The following MTHFSD variants were observed in gnomAD, a reference collection of about 807,000 sequenced individuals.
The protein encoded by MTHFSD is methenyltetrahydrofolate synthase domain-containing protein.
MTHFSD carries 37 observed loss-of-function variants against 31.1 expected under a neutral mutation model. That is an observed-to-expected ratio of 1.19 (90% CI 0.91 to 1.56). The LOEUF is 1.56. Ranked by LOEUF, MTHFSD falls within the 40% of genes most tolerant of loss-of-function variation. MTHFSD has a pLI of 0.00. For synonymous variants in MTHFSD, 221 were observed against 206.9 expected (o/e 1.07, Z -0.59); for missense variants, 664 against 510.1 (o/e 1.30, Z -2.91).
chr16:86,553,644 C>T (rs140129423), intron 2 of MTHFSD: 4,857 of 156,458 alleles, frequency 0.031, 104 homozygotes, highest in Middle Eastern at 0.084. Context: ...CCACCCCCAC[C>T]GGCGGGCTCC....
At chr16:86,554,914 C>G in intron 1 of MTHFSD, 163 bp from the exon 2 acceptor site, 1 of 1,092,714 alleles carries the variant, frequency 9.2e-7, no homozygotes, top group South Asian at 1.6e-5. Context: ...ACGGGCTCCC[C>G]CACGTGCACG....
At chr16:86,546,182 A>G (rs2143726045) in intron 5 of MTHFSD, among the ~76,000 whole-genome samples, 1 of 152,372 alleles carries the variant, frequency 6.6e-6, no homozygotes, top group East Asian at 1.9e-4. Context: ...CATAATAAAA[A>G]CAAAGCTTGG....
At chr16:86,541,031 C>T (rs112843924) in intron 7 of MTHFSD, 26 of 1,181,268 alleles carry the variant, frequency 2.2e-5, no homozygotes, top group Admixed American at 3.4e-5. Context: ...GAATGGGAGA[C>T]GTGGACACGT....
intron 4 of MTHFSD, chr16:86,547,340 C>G: frequency 1.0e-6 from 1 of 985,624 alleles, no homozygotes; most frequent in African/African-American, 1.7e-5. Context: ...TTATGTAAGA[C>G]TCAGGAAAAA....
intron 3 of MTHFSD, 89 bp from the exon 4 acceptor site, chr16:86,548,666 G>C (rs1428717866): frequency 9.9e-7 from 1 of 1,010,024 alleles, no homozygotes; most frequent in Non-Finnish European, 1.4e-6. Context: ...CAGGAGAAGA[G>C]GCAAATTACT....
At position 86,544,766 on chromosome 16, in the gene MTHFSD, C is replaced by T. The variant is rs370712681; in HGVS notation, c.442+1793G>A. Reference sequence around the variant, plus strand: ...AAAGACACGTGCACATGTAGGTTCACTGTAGCACTATTCACAATAACAATG... The same window carrying T: ...AAAGACACGTGCACATGTAGGTTCATTGTAGCACTATTCACAATAACAATG... On this transcript the variant is annotated intron_variant, in intron 5 of 7. Coordinates refer to ENST00000360900, the MANE Select transcript of MTHFSD (RefSeq NM_001159377.2). Among the ~76,000 whole-genome samples, 71 of 152,312 alleles carry T rather than the reference C, an allele frequency of 4.7e-4. 1 individual carries two copies. The South Asian group carries it at 0.014, about 30-fold the overall frequency.
intron 7 of MTHFSD, chr16:86,535,095 T>A (rs11642368): frequency 0.49 from 157,238 of 318,520 alleles, 41,936 homozygotes; most frequent in Non-Finnish European, 0.56. Flanking sequence ...CACAGGGAGC[T>A]CCTTTATTCT....
chr16:86,543,450 T>C (rs375188760), intron 5 of MTHFSD, among the ~76,000 whole-genome samples: 9 of 152,274 alleles, frequency 5.9e-5, no homozygotes, highest in East Asian at 3.9e-4. Flanking sequence ...CACTCCAACA[T>C]GGTCTGTAAG....
At chr16:86,552,174 C>T (rs1463768046) in intron 2 of MTHFSD, 28 bp from the exon 3 acceptor site, 5 of 1,614,148 alleles carry the variant, frequency 3.1e-6, no homozygotes, top group African/African-American at 1.3e-5. Flanking sequence ...CAGAGTTGCA[C>T]TTACTTCAAG....
intron 2 of MTHFSD, among the ~76,000 whole-genome samples, chr16:86,552,801 C>T (rs1310872517): frequency 1.3e-5 from 2 of 152,088 alleles, no homozygotes; most frequent in African/African-American, 4.8e-5. Flanking sequence ...AGCTGAGGAC[C>T]AGGGAAGGTG....
Position 86,546,601 on chromosome 16 carries a change from C to G in MTHFSD, c.400G>C (p.Val134Leu), listed in dbSNP as rs776149548. 4.3e-6 allele frequency: 7 copies of G among 1,613,882 alleles called. No individual in the cohort carries two copies. Among genetic ancestry groups the G allele is most frequent in the Non-Finnish European group, 5.9e-6 (7 of 1,180,046 alleles). Residue 134 changes from valine (V) to leucine (L), a missense_variant, in exon 5 of 8, where the codon GTG (valine) becomes CTG (leucine). By Grantham distance (32) the Val-to-Leu change is conservative. Coordinates refer to ENST00000360900, the MANE Select transcript of MTHFSD (RefSeq NM_001159377.2). ...VPIGLDSRVLVDLVVVGSVAV... is the reference protein window; with the variant it reads ...VPIGLDSRVLLDLVVVGSVAV... The stretch of plus-strand genomic sequence containing the variant: ...ACGGATCCCACCACAACTAAATCCA[C>G]GAGGACTCTGGAGTCCAAGCCTATG...
Position 86,554,702 on chromosome 16 carries a change from T to A in MTHFSD, c.66A>T (p.Glu22Asp), listed in dbSNP as rs1479882898. The A allele has an allele frequency of 6.2e-6, 10 of 1,614,234 alleles. No individual in the cohort carries two copies. The highest frequency in any genetic ancestry group is 8.5e-6 in the Non-Finnish European group (10 of 1,180,030). Reference protein sequence around the residue: ...DIREQIWGYMESQNLADFPRP... With the variant: ...DIREQIWGYMDSQNLADFPRP... ...GGGGAAAGTCAGCTAAATTTTGTGA[T>A]TCCATGTAGCCCCAAATTTGTTCAC... The change falls in exon 2 of 8, where the codon GAA becomes GAT. Residue 22 changes from glutamate to aspartate, a missense_variant. Glu to Asp is a conservative substitution (Grantham distance 45, BLOSUM62 2). Transcript: ENST00000360900.
intron 2 of MTHFSD, among the ~76,000 whole-genome samples, chr16:86,552,578 C>A (rs376617046): frequency 6.4e-4 from 98 of 152,188 alleles, no homozygotes; most frequent in African/African-American, 2.3e-3. Context: ...CCACCAAAAT[C>A]AAGCAGTAGC....
In MTHFSD at chr16:86,531,918, C is replaced by A; in HGVS notation, c.*93G>T. The stretch of plus-strand genomic sequence containing the variant: ...AGCTCAGGCGGTGGCTCCGACACGT[C>A]TTGCCACGCAGGCCTCTCGAGTGCC... On this transcript the variant is annotated 3_prime_UTR_variant, in exon 8 of 8. Transcript: ENST00000360900. This position sits in a 1 kb window ranked among gnomAD's most constrained non-coding sequence, Gnocchi z 5.5. 1 of 876,538 alleles carries A rather than the reference C, an allele frequency of 1.1e-6. No homozygotes were observed. Among genetic ancestry groups the A allele is most frequent in the Non-Finnish European group, 1.6e-6 (1 of 623,688 alleles). The allele number at this position is 876,538 out of a possible 1,614,324, so 54.3% of individuals were successfully genotyped here. A position where few individuals can be genotyped will look rare whatever the true frequency, so the allele number is the denominator to read the frequency against.
Position 86,554,771 on chromosome 16 carries a change from C to A in MTHFSD, c.17-20G>T, listed in dbSNP as rs1370031500. ...CACCTACTGCAACAAAAGATTCCCACTTAATAACATACAAAGGAATTCCAG... is the reference window on the plus strand; with the variant it reads ...CACCTACTGCAACAAAAGATTCCCAATTAATAACATACAAAGGAATTCCAG... On this transcript the variant is annotated intron_variant, in intron 1 of 7. Coordinates refer to ENST00000360900, the MANE Select transcript of MTHFSD (RefSeq NM_001159377.2). 6 of 1,587,800 alleles carry A rather than the reference C, an allele frequency of 3.8e-6. No individual in the cohort carries two copies. Among genetic ancestry groups the A allele is most frequent in the Non-Finnish European group, 5.2e-6 (6 of 1,156,530 alleles).
intron 3 of MTHFSD, among the ~76,000 whole-genome samples, chr16:86,548,839 C>T (rs893784155): frequency 6.6e-6 from 1 of 152,204 alleles, no homozygotes; most frequent in Non-Finnish European, 1.5e-5. Context: ...TTTCACTTGC[C>T]ATTCAAAATT....
intron 7 of MTHFSD, among the ~76,000 whole-genome samples, chr16:86,538,962 G>C (rs1301705776): frequency 6.6e-6 from 1 of 152,188 alleles, no homozygotes; most frequent in East Asian, 1.9e-4. Flanking sequence ...GGACAGAGCA[G>C]ACAATGTGCC....
intron 7 of MTHFSD, chr16:86,541,252 C>T (rs1182803100): frequency 1.6e-6 from 2 of 1,279,392 alleles, no homozygotes; most frequent in East Asian, 5.6e-5. Context: ...GTACTGCCTC[C>T]TACTCAGGCT....
intron 7 of MTHFSD, among the ~76,000 whole-genome samples, chr16:86,534,713 T>C (rs929372227): frequency 5.9e-5 from 9 of 152,102 alleles, no homozygotes; most frequent in Non-Finnish European, 1.3e-4. Flanking sequence ...ACAGAAAAAG[T>C]GTGGCTATGC....
Sources: gnomAD v4.1 joint callset for allele counts (sites outside exome capture counted in the v4.1 genomes callset) on GRCh38, gnomAD v4.1.1 for gene constraint, Gnocchi (gnomAD v3.1) non-coding constraint, MANE v1.5 for transcripts, NCBI Gene and HGNC (gene_info 2026-07-23, HGNC 2026-07-21) for gene names.